ABLIM1: variants seen among roughly 807,000 people sequenced by gnomAD.
The protein encoded by ABLIM1 is actin binding LIM protein 1.
A neutral mutation model predicts 107.0 loss-of-function variants in ABLIM1; 40 were observed. That is an observed-to-expected ratio of 0.37 (90% confidence interval 0.29 to 0.49). The LOEUF is 0.49. Among genes scored for constraint, ABLIM1 ranks in the 20% least tolerant of loss-of-function variants. The pLI, the probability that ABLIM1 is intolerant of heterozygous loss-of-function variation, is 0.97. For missense variants in ABLIM1, 857 were observed against 1,008.5 expected (o/e 0.85, Z 2.04); for synonymous variants, 357 against 357.3 (o/e 1.00, Z 0.01).
chr10:114,499,833 C>T (rs769403916), intron 6 of ABLIM1, among the ~76,000 whole-genome samples: 3 of 152,164 alleles, frequency 2.0e-5, no homozygotes, highest in Non-Finnish European at 4.4e-5. Flanking sequence ...TGCAGAAAGG[C>T]AGTGCAGAGG....
At chr10:114,632,894 A>T (rs2078275479) in intron 1 of ABLIM1, 1 of 599,390 alleles carries the variant, frequency 1.7e-6, no homozygotes, top group Non-Finnish European at 2.1e-6. Flanking sequence ...GCAACTCCTC[A>T]GGAGGCTTTT....
chr10:114,732,180 CT>C (rs113276247), intron 1 of ABLIM1, among the ~76,000 whole-genome samples: 1,137 of 109,846 alleles, frequency 0.01, 4 homozygotes, highest in Non-Finnish European at 0.012. Context: ...CTTTTCTTTT[CT>C]TTTTTTTTTT....
intron 4 of ABLIM1, among the ~76,000 whole-genome samples, chr10:114,560,109 T>C (rs867697603): frequency 3.9e-4 from 59 of 152,328 alleles, no homozygotes; most frequent in African/African-American, 1.3e-3. Flanking sequence ...CTTTCAAGAT[T>C]TGGGATCATT....
intron 1 of ABLIM1, among the ~76,000 whole-genome samples, chr10:114,633,664 C>G (rs1009573453): frequency 2.6e-5 from 4 of 152,158 alleles, no homozygotes; most frequent in African/African-American, 9.7e-5. Context: ...GAGCCAAGCA[C>G]GAGAGCAGCT....
At chr10:114,548,008 G>C (rs1372519852) in intron 4 of ABLIM1, among the ~76,000 whole-genome samples, 1 of 152,172 alleles carries the variant, frequency 6.6e-6, no homozygotes, top group African/African-American at 2.4e-5. Context: ...GGATCTACGG[G>C]GACGGATGTC....
chr10:114,767,605 G>A (rs1231361946), intron 1 of ABLIM1, among the ~76,000 whole-genome samples: 2 of 138,688 alleles, frequency 1.4e-5, no homozygotes, highest in Non-Finnish European at 3.2e-5. Context: ...AGTACAGGTG[G>A]GGAATTTACT....
In ABLIM1 at chr10:114,527,038, G is replaced by C. The variant is rs901009717; in HGVS notation, c.894+17967C>G. ...TCTTTTTTTAAATGCAGGTAGGAAAGTACCATTTCTTTGCATTCACTCACT... is the reference window on the plus strand; with the variant it reads ...TCTTTTTTTAAATGCAGGTAGGAAACTACCATTTCTTTGCATTCACTCACT... On this transcript the variant is annotated intron_variant, in intron 6 of 22. Transcript: ENST00000533213. The C allele has an allele frequency of 8.7e-6, 8 of 924,718 alleles. No individual in the cohort carries two copies. The African/African-American group carries it at 1.4e-4, about 17-fold the overall frequency. 57.3% of individuals were successfully genotyped at this position (924,718 alleles called of 1,614,324 possible).
chr10:114,695,381 C>T (rs2081173876), intron 1 of ABLIM1, among the ~76,000 whole-genome samples: 1 of 152,148 alleles, frequency 6.6e-6, no homozygotes, highest in African/African-American at 2.4e-5. Flanking sequence ...CTGGAGTAAC[C>T]ATTACTATCC....
chr10:114,626,158 C>T (rs988057096), intron 1 of ABLIM1, among the ~76,000 whole-genome samples: 10 of 152,054 alleles, frequency 6.6e-5, no homozygotes, highest in Admixed American at 5.9e-4. Context: ...TACTTTGGTG[C>T]CAGGGTGTAG....
At chr10:114,720,272 A>G (rs971655107) in intron 1 of ABLIM1, among the ~76,000 whole-genome samples, 3 of 152,172 alleles carry the variant, frequency 2.0e-5, no homozygotes, top group African/African-American at 7.2e-5. Flanking sequence ...CCAGTCTATC[A>G]TTGATGGGCA....
rs552922734 is a variant in ABLIM1, at chr10:114,599,709, C to G, written c.379+2118G>C. The stretch of plus-strand genomic sequence containing the variant: ...GGCCAAGCCAGGAGAATTGCTTGAA[C>G]CTAGGAGGCGGAGGTTGCAGTGAGC... On this transcript the variant is annotated intron_variant, in intron 2 of 22. Transcript: ENST00000533213. Among the ~76,000 whole-genome samples the G allele has an allele frequency of 3.3e-3, 496 of 152,074 alleles. 4 individuals carry two copies. The highest frequency in any genetic ancestry group is 0.012 in the African/African-American group (480 of 41,482).
At chr10:114,675,708 T>A (rs2080452249) in intron 1 of ABLIM1, among the ~76,000 whole-genome samples, 1 of 152,224 alleles carries the variant, frequency 6.6e-6, no homozygotes, top group South Asian at 2.1e-4. Flanking sequence ...GGGCTTCTAT[T>A]ACAAAGTATC....
chr10:114,594,118 C>A (rs1464213762), intron 2 of ABLIM1, among the ~76,000 whole-genome samples: 1 of 152,188 alleles, frequency 6.6e-6, no homozygotes, highest in African/African-American at 2.4e-5. Context: ...TTGGAGAATG[C>A]AATAAACTAC....
At chr10:114,780,631 G>C in the ABLIM1 span, among the ~76,000 whole-genome samples, 1 of 152,158 alleles carries the variant, frequency 6.6e-6, no homozygotes, top group African/African-American at 2.4e-5. Context: ...GTTTGGTGGT[G>C]TGAAACTTCA....
intron 1 of ABLIM1, among the ~76,000 whole-genome samples, chr10:114,602,615 C>T (rs889523094): frequency 2.0e-5 from 3 of 152,232 alleles, no homozygotes; most frequent in African/African-American, 7.2e-5. Context: ...GTCTGATACA[C>T]ACACTGCAGG....
chr10:114,539,607 T>G (rs1291793375), intron 6 of ABLIM1, among the ~76,000 whole-genome samples: 1 of 152,200 alleles, frequency 6.6e-6, no homozygotes, highest in East Asian at 1.9e-4. Context: ...ACACCCACCA[T>G]GAGCTGCCTT....
At chr10:114,785,941 C>T in the ABLIM1 span, among the ~76,000 whole-genome samples, 1 of 152,202 alleles carries the variant, frequency 6.6e-6, no homozygotes, top group African/African-American at 2.4e-5. Flanking sequence ...GTTGGCCAGG[C>T]TGGACTTGAA....
chr10:114,659,942 G>A (rs2079714413), upstream of ABLIM1, among the ~76,000 whole-genome samples: 1 of 152,178 alleles, frequency 6.6e-6, no homozygotes, highest in South Asian at 2.1e-4. Context: ...TGCTTCTTTT[G>A]TTACAAGTTC....
intron 1 of ABLIM1, among the ~76,000 whole-genome samples, chr10:114,677,945 G>A (rs559801508): frequency 2.0e-5 from 3 of 152,312 alleles, no homozygotes; most frequent in African/African-American, 7.2e-5. Flanking sequence ...GAAAGTTGGT[G>A]AGTAAAATCT....
Sources: gnomAD v4.1 joint callset for allele counts (sites outside exome capture counted in the v4.1 genomes callset) on GRCh38, gnomAD v4.1.1 for gene constraint, MANE v1.5 for transcripts, NCBI Gene and HGNC (gene_info 2026-07-23, HGNC 2026-07-21) for gene names.